PTPRD: variants seen among roughly 807,000 people sequenced by gnomAD.
PTPRD encodes receptor-type tyrosine-protein phosphatase delta.
A neutral mutation model predicts 214.5 loss-of-function variants in PTPRD; 34 were observed. The ratio of observed to expected loss-of-function variants is 0.16; its 90% CI spans 0.12 to 0.21. PTPRD has a LOEUF of 0.21. Ranked by LOEUF, PTPRD falls within the 10% of genes least tolerant of loss-of-function variation. The pLI, the probability that PTPRD is intolerant of heterozygous loss-of-function variation, is 1.00. For missense variants in PTPRD, 2,545 were observed against 2,398.7 expected (o/e 1.06, Z -1.27); for synonymous variants, 1,128 against 845.7 (o/e 1.33, Z -5.79).
At chr9:10,274,480 A>T (rs774606454) in intron 3 of PTPRD, among the ~76,000 whole-genome samples, 3 of 152,124 alleles carry the variant, frequency 2.0e-5, no homozygotes, top group Non-Finnish European at 2.9e-5. Flanking sequence ...AAAAAGGAGA[A>T]TTTGGTTTGC....
chr9:9,695,593 T>G (rs1435030506), intron 7 of PTPRD, among the ~76,000 whole-genome samples: 1 of 152,228 alleles, frequency 6.6e-6, no homozygotes, highest in African/African-American at 2.4e-5. Context: ...CCCAGTTTAT[T>G]GAGAGTTTTT....
chr9:8,516,369 T>C (rs1183543272), intron 21 of PTPRD, among the ~76,000 whole-genome samples: 2 of 152,306 alleles, frequency 1.3e-5, no homozygotes, highest in South Asian at 2.1e-4. Context: ...CTGGCTTTCC[T>C]ACAATGTCAT....
rs373703281 is a variant in PTPRD at position 8,317,703 on chromosome 9, C to T, written c.*171G>A. On this transcript the variant is annotated 3_prime_UTR_variant, in exon 46 of 46. Transcript: ENST00000381196. ...AGGTTAGATTATTAAACTGTGAATT[C>T]TTGGTCCACCTGGAATAATTTGTTT... The T allele has an allele frequency of 3.8e-6, 2 of 524,258 alleles. No individual in the cohort carries two copies. Among genetic ancestry groups the T allele is most frequent in the Non-Finnish European group, 7.0e-6 (2 of 285,790 alleles). 32.5% of individuals were successfully genotyped at this position (524,258 alleles called of 1,614,324 possible). A position where few individuals can be genotyped will look rare whatever the true frequency, so the allele number is the denominator to read the frequency against.
At chr9:8,523,656 G>A (rs2097937765) in intron 18 of PTPRD, 132 bp from the exon 19 acceptor site, 1 of 918,610 alleles carries the variant, frequency 1.1e-6, no homozygotes, top group Admixed American at 2.5e-5. Flanking sequence ...ATTCGCTCTA[G>A]TTCATCCTTC....
chr9:9,442,564 T>C (rs1279942126), intron 8 of PTPRD, among the ~76,000 whole-genome samples: 4 of 152,306 alleles, frequency 2.6e-5, no homozygotes, highest in African/African-American at 4.8e-5. Flanking sequence ...CAAATGAAGG[T>C]ATAAATGACT....
At chr9:9,003,678 T>TTAGCAAGCA (rs1172365048) in intron 11 of PTPRD, among the ~76,000 whole-genome samples, 2 of 152,060 alleles carry the variant, frequency 1.3e-5, no homozygotes, top group Non-Finnish European at 2.9e-5. Context: ...TTTGATATCA[T>TTAGCAAGCA]TAGCAAGCAT....
At chr9:8,640,839 G>C (rs2096560965) in intron 12 of PTPRD, among the ~76,000 whole-genome samples, 1 of 149,918 alleles carries the variant, frequency 6.7e-6, no homozygotes, top group Non-Finnish European at 1.5e-5. Context: ...ATGATACAAA[G>C]TAAGACTCAA....
At chr9:9,079,270 T>A (rs1447498909) in intron 10 of PTPRD, among the ~76,000 whole-genome samples, 3 of 152,088 alleles carry the variant, frequency 2.0e-5, no homozygotes, top group South Asian at 2.1e-4. Context: ...AGATCAAATT[T>A]TTTTTAGCTT....
intron 7 of PTPRD, among the ~76,000 whole-genome samples, chr9:9,591,128 C>T (rs2092684508): frequency 6.6e-6 from 1 of 151,146 alleles, no homozygotes; most frequent in Non-Finnish European, 1.5e-5. Flanking sequence ...TGGGTAGGCC[C>T]ATTCTAATCA....
chr9:9,131,956 G>A (rs1265971054), intron 10 of PTPRD, among the ~76,000 whole-genome samples: 1 of 151,958 alleles, frequency 6.6e-6, no homozygotes, highest in East Asian at 1.9e-4. Context: ...ATTTGAGGGG[G>A]AATTGTTTAG....
chr9:8,699,550 A>G (rs1366383919), intron 12 of PTPRD, among the ~76,000 whole-genome samples: 1 of 152,178 alleles, frequency 6.6e-6, no homozygotes, highest in African/African-American at 2.4e-5. Context: ...GTTTGAAAAT[A>G]ATTTTATGAA....
At position 8,404,595 on chromosome 9, in the gene PTPRD, A is replaced by G. The variant is rs776276185; in HGVS notation, c.4152T>C (p.Asn1384=). Residue 1384 remains asparagine (N), a synonymous_variant, in exon 36 of 46, where the codon AAT becomes AAC. Coordinates refer to ENST00000381196, the MANE Select transcript of PTPRD (RefSeq NM_002839.4). ...CATATGCGATTACATTCGCGTATCT[A>G]TTCTTTGGTTTGTTTACTTCCAAGT... ...HSNLEVNKPK[N]RYANVIAYDH... 3.7e-6 allele frequency: 6 copies of G among 1,613,550 alleles called. No individual in the cohort carries two copies. Among genetic ancestry groups the G allele is most frequent in the Non-Finnish European group, 5.1e-6 (6 of 1,179,694 alleles).
rs536775357 is a variant in PTPRD, at chr9:10,515,235, CT to C, written c.-600+97162del. 2.1e-4 allele frequency among the ~76,000 whole-genome samples: 32 copies of C among 152,032 alleles called. No homozygotes were observed. In the East Asian group the frequency reaches 4.3e-3, roughly 20 times the overall value. On this transcript the variant is annotated intron_variant, in intron 2 of 45. Transcript: ENST00000381196. ...TTCTTGCTGCTAATGGTAATGTATT[CT>C]TCTCAGACACCAATTCTCATGAACT...
chr9:8,791,707 G>A (rs2096244047), intron 11 of PTPRD, among the ~76,000 whole-genome samples: 2 of 151,882 alleles, frequency 1.3e-5, no homozygotes, highest in Middle Eastern at 3.4e-3. Flanking sequence ...TGAGATTTGA[G>A]GGGAAAGAAA....
chr9:10,209,661 G>A lies in PTPRD; in HGVS notation c.-545+131302C>T, dbSNP rs920882654. On this transcript the variant is annotated intron_variant, in intron 3 of 45. Transcript: ENST00000381196. ...TTTTCTTTGGATTTTATTGTGCATT[G>A]GTACACAGGGCCTTTGATCTCGTAT... Among the ~76,000 whole-genome samples the A allele has an allele frequency of 2.7e-5, 4 of 150,844 alleles. No individual in the cohort carries two copies. In the South Asian group the frequency reaches 6.3e-4, roughly 24 times the overall value.
chr9:10,559,744 C>T (rs569705121), intron 2 of PTPRD, among the ~76,000 whole-genome samples: 9 of 152,044 alleles, frequency 5.9e-5, no homozygotes, highest in Admixed American at 2.6e-4. Flanking sequence ...AAAAAGTGGG[C>T]GAAGGACATG....
At chr9:8,490,382 G>A (rs939492429) in intron 27 of PTPRD, among the ~76,000 whole-genome samples, 11 of 152,072 alleles carry the variant, frequency 7.2e-5, no homozygotes, top group African/African-American at 1.2e-4. Flanking sequence ...GAGATCAACC[G>A]AGGTACTCAG....
At chr9:9,738,305 T>C (rs897553822) in intron 6 of PTPRD, among the ~76,000 whole-genome samples, 1 of 152,140 alleles carries the variant, frequency 6.6e-6, no homozygotes, top group East Asian at 1.9e-4. Context: ...TATGGTGGAA[T>C]GTGATGGATC....
Position 8,708,024 on chromosome 9 carries a change from T to C in PTPRD, c.64+25756A>G, listed in dbSNP as rs565779296. Among the ~76,000 whole-genome samples the C allele has an allele frequency of 9.8e-5, 15 of 152,312 alleles. No homozygotes were observed. In the South Asian group the frequency reaches 2.7e-3, roughly 27 times the overall value. The stretch of plus-strand genomic sequence containing the variant: ...AGATTTTATACCTCACAGGCTAAGC[T>C]AGCTCTGCACCATGCAAGAAAACTG... On this transcript the variant is annotated intron_variant, in intron 12 of 45. Coordinates refer to ENST00000381196, the MANE Select transcript of PTPRD (RefSeq NM_002839.4).
Sources: gnomAD v4.1 joint callset for allele counts (sites outside exome capture counted in the v4.1 genomes callset) on GRCh38, gnomAD v4.1.1 for gene constraint, MANE v1.5 for transcripts, NCBI Gene and HGNC (gene_info 2026-07-23, HGNC 2026-07-21) for gene names.